The following CTNNA2 variants were observed in gnomAD, a reference collection of about 807,000 sequenced individuals.
CTNNA2 encodes the protein catenin alpha 2.
CTNNA2 carries 42 observed loss-of-function variants against 101.0 expected under a neutral mutation model. The observed-to-expected ratio is 0.42, with a 90% confidence interval of 0.32 to 0.54. The LOEUF is 0.54. CTNNA2 is among the 20% of genes least tolerant of loss of function. The pLI is 0.14. For missense variants in CTNNA2, 871 were observed against 1,223.1 expected (o/e 0.71, Z 4.29); for synonymous variants, 450 against 456.4 (o/e 0.99, Z 0.18).
chr2:79,678,557 A>T (rs1000234404), intron 2 of CTNNA2, among the ~76,000 whole-genome samples: 1 of 150,016 alleles, frequency 6.7e-6, no homozygotes, highest in Non-Finnish European at 1.5e-5. Context: ...AAAAAAAAAA[A>T]GAAAAAGTCT....
intron 7 of CTNNA2, among the ~76,000 whole-genome samples, chr2:80,112,138 G>T (rs932769637): frequency 2.0e-5 from 3 of 152,070 alleles, no homozygotes; most frequent in African/African-American, 7.2e-5. Context: ...GTAAGACAGG[G>T]CGATGAGATA....
chr2:79,467,376 G>A (rs901857877), intron 4 of CTNNA2, among the ~76,000 whole-genome samples: 10 of 152,230 alleles, frequency 6.6e-5, no homozygotes, highest in African/African-American at 2.4e-4. Flanking sequence ...TTGGGACTAT[G>A]TGAAAAGACC....
chr2:79,912,061 T>C (rs1685839696), intron 7 of CTNNA2, among the ~76,000 whole-genome samples: 1 of 152,232 alleles, frequency 6.6e-6, no homozygotes, highest in Non-Finnish European at 1.5e-5. Flanking sequence ...TTTCATAAGC[T>C]CTGAGAATAA....
At chr2:79,188,969 T>C (rs1048743477) in intron 1 of CTNNA2, among the ~76,000 whole-genome samples, 4 of 152,190 alleles carry the variant, frequency 2.6e-5, no homozygotes, top group African/African-American at 7.2e-5. Context: ...ACAGGCACTA[T>C]CTGTATTATT....
At chr2:79,574,939 T>A (rs1274351233) in intron 1 of CTNNA2, among the ~76,000 whole-genome samples, 1 of 152,200 alleles carries the variant, frequency 6.6e-6, no homozygotes, top group Non-Finnish European at 1.5e-5. Flanking sequence ...TTGCTGTAGT[T>A]CTGATTTGCA....
At chr2:80,383,078 C>G (rs530582360) in intron 7 of CTNNA2, among the ~76,000 whole-genome samples, 1 of 152,206 alleles carries the variant, frequency 6.6e-6, no homozygotes, top group South Asian at 2.1e-4. Flanking sequence ...TAATTAACCC[C>G]AGCTTTTAGC....
intron 7 of CTNNA2, among the ~76,000 whole-genome samples, chr2:79,959,248 T>C (rs1452570934): frequency 1.3e-5 from 2 of 152,000 alleles, no homozygotes; most frequent in African/African-American, 4.8e-5. Flanking sequence ...GATTTGTTAC[T>C]TTTTTTTCAT....
At chr2:79,330,470 CT>C (rs1676846288) in intron 3 of CTNNA2, among the ~76,000 whole-genome samples, 1 of 152,248 alleles carries the variant, frequency 6.6e-6, no homozygotes, top group Admixed American at 6.5e-5. Flanking sequence ...TAAGCCCTGA[CT>C]TTGTCTCCTC....
chr2:80,136,346 G>A (rs938429337), intron 7 of CTNNA2, among the ~76,000 whole-genome samples: 2 of 152,098 alleles, frequency 1.3e-5, no homozygotes, highest in African/African-American at 4.8e-5. Context: ...ATGAGGATTT[G>A]GATTAGAAGA....
intron 9 of CTNNA2, among the ~76,000 whole-genome samples, chr2:80,531,598 T>C (rs938122589): frequency 6.6e-6 from 1 of 152,230 alleles, no homozygotes; most frequent in African/African-American, 2.4e-5. Flanking sequence ...TTTGGGATGG[T>C]GGAGAATATC....
At chr2:79,744,267 C>A in intron 2 of CTNNA2, 120 bp from the exon 3 acceptor site, 2 of 955,230 alleles carry the variant, frequency 2.1e-6, no homozygotes, top group Non-Finnish European at 3.0e-6. Flanking sequence ...GATGTGCATT[C>A]ATGATTTAGT....
chr2:80,422,865 T>C (rs1680652927), intron 9 of CTNNA2, among the ~76,000 whole-genome samples: 1 of 148,954 alleles, frequency 6.7e-6, no homozygotes, highest in Non-Finnish European at 1.5e-5. Flanking sequence ...GATAAAACAA[T>C]GTGAGTGTGG....
chr2:79,701,236 C>T (rs1047188467), intron 2 of CTNNA2, among the ~76,000 whole-genome samples: 1 of 152,060 alleles, frequency 6.6e-6, no homozygotes, highest in Admixed American at 6.6e-5. Flanking sequence ...GGGTATAGAA[C>T]ACTTATACTA....
intron 9 of CTNNA2, among the ~76,000 whole-genome samples, chr2:80,453,804 C>A (rs538199808): frequency 6.6e-6 from 1 of 152,272 alleles, no homozygotes; most frequent in East Asian, 1.9e-4. Flanking sequence ...AGATACGTTT[C>A]TATTCTCCAC....
chr2:79,712,703 C>G (rs773941139), intron 2 of CTNNA2, among the ~76,000 whole-genome samples: 1 of 152,048 alleles, frequency 6.6e-6, no homozygotes, highest in Non-Finnish European at 1.5e-5. Flanking sequence ...ATAAGATGAG[C>G]TGGCCATGGC....
intron 9 of CTNNA2, among the ~76,000 whole-genome samples, chr2:80,495,939 CAAAAAAAAAAAAAA>C (rs60582703): frequency 1.1e-4 from 4 of 35,772 alleles, no homozygotes; most frequent in Middle Eastern, 0.042. Context: ...GACTCTGTCT[CAAAAAAAAAAAAAA>C]AAAAAAAAAA....
chr2:80,371,064 A>C (rs1014966094), intron 7 of CTNNA2, among the ~76,000 whole-genome samples: 2 of 152,162 alleles, frequency 1.3e-5, no homozygotes, highest in Non-Finnish European at 2.9e-5. Context: ...CTATATCTTC[A>C]GAGTTAAGAA....
chr2:80,283,306 C>G (rs1674526522), intron 7 of CTNNA2, among the ~76,000 whole-genome samples: 1 of 152,038 alleles, frequency 6.6e-6, no homozygotes, highest in South Asian at 2.1e-4. Flanking sequence ...TGTTTGAACA[C>G]TACCTGGATA....
chr2:80,272,109 T>C (rs1228492181), intron 7 of CTNNA2, among the ~76,000 whole-genome samples: 1 of 152,246 alleles, frequency 6.6e-6, no homozygotes, highest in Non-Finnish European at 1.5e-5. Context: ...ATTACTGCAA[T>C]ACATCATTTT....
Sources: gnomAD v4.1 joint callset for allele counts (sites outside exome capture counted in the v4.1 genomes callset) on GRCh38, gnomAD v4.1.1 for gene constraint, MANE v1.5 for transcripts, NCBI Gene and HGNC (gene_info 2026-07-23, HGNC 2026-07-21) for gene names.